The following MGAT4C variants were observed in gnomAD, a reference collection of about 807,000 sequenced individuals.
The protein encoded by MGAT4C is MGAT4 family member C.
Under a neutral mutation model 40.1 loss-of-function variants are expected in MGAT4C, and 19 were observed. The observed-to-expected ratio is 0.47, with a 90% confidence interval of 0.33 to 0.70. MGAT4C has a LOEUF of 0.70. Ranked by LOEUF, MGAT4C falls within the 30% of genes least tolerant of loss-of-function variation. The pLI, the probability that MGAT4C is intolerant of heterozygous loss-of-function variation, is 0.02. For missense variants in MGAT4C, 491 were observed against 563.2 expected (o/e 0.87, Z 1.30); for synonymous variants, 181 against 187.1 (o/e 0.97, Z 0.27).
At chr12:86,666,712 G>C (rs1565913492) in intron 2 of MGAT4C, among the ~76,000 whole-genome samples, 1 of 152,138 alleles carries the variant, frequency 6.6e-6, no homozygotes, top group South Asian at 2.1e-4. Flanking sequence ...TTGAGAAAAA[G>C]ATTTCAAGTT....
intron 2 of MGAT4C, among the ~76,000 whole-genome samples, chr12:86,459,819 C>T (rs1261781465): frequency 6.6e-6 from 1 of 150,948 alleles, no homozygotes; most frequent in African/African-American, 2.4e-5. Flanking sequence ...TCTTCTTGTC[C>T]TCTTTGCTCT....
rs557857367 is a variant in MGAT4C, at chr12:86,689,932, G to T, written c.-229+37277C>A. Among the ~76,000 whole-genome samples the T allele has an allele frequency of 2.0e-5, 3 of 152,272 alleles. No individual in the cohort carries two copies. The East Asian group carries it at 5.8e-4, about 29-fold the overall frequency. On this transcript the variant is annotated intron_variant, in intron 2 of 7. Transcript: ENST00000548651. The stretch of plus-strand genomic sequence containing the variant: ...AGCCCACAACAACCCCTCTCCCCAG[G>T]TGCTCTGTCCCAGGGGGATGGGAGT...
intron 1 of MGAT4C, among the ~76,000 whole-genome samples, chr12:86,127,332 G>C (rs1880448645): frequency 6.6e-6 from 1 of 152,102 alleles, no homozygotes; most frequent in Non-Finnish European, 1.5e-5. Flanking sequence ...TACAATAAAA[G>C]TATGATATAA....
intron 4 of MGAT4C, among the ~76,000 whole-genome samples, chr12:86,296,701 G>A (rs980125836): frequency 3.3e-5 from 5 of 152,204 alleles, no homozygotes; most frequent in Admixed American, 6.5e-5. Flanking sequence ...CTCCGAGTGC[G>A]GGGCCCGCCA....
chr12:86,236,900 A>G (rs1344261782), intron 1 of MGAT4C, among the ~76,000 whole-genome samples: 1 of 151,866 alleles, frequency 6.6e-6, no homozygotes, highest in South Asian at 2.1e-4. Context: ...TTCAAAAAAC[A>G]TTAGCCAAAT....
chr12:86,018,476 G>A (rs927756739), intron 2 of MGAT4C, among the ~76,000 whole-genome samples: 1 of 152,018 alleles, frequency 6.6e-6, no homozygotes, highest in Non-Finnish European at 1.5e-5. Flanking sequence ...TGTCCAATTT[G>A]TTTTTTTACT....
Position 86,049,731 on chromosome 12 carries a change from A to C in MGAT4C, c.-56-8T>G, listed in dbSNP as rs1892721449. The C allele has an allele frequency of 1.0e-6, 1 of 974,430 alleles. No individual in the cohort carries two copies. Among genetic ancestry groups the C allele is most frequent in the African/African-American group, 1.8e-5 (1 of 57,086 alleles). The allele number at this position is 974,430 out of a possible 1,614,324, so 60.4% of individuals were successfully genotyped here. On this transcript the variant is annotated splice_region_variant and splice_polypyrimidine_tract_variant and intron_variant, in intron 1 of 4. Transcript: ENST00000611864. ...ACAGAAACCGTTGATACCCTGGAAA[A>C]AAGAAAGTCTAATATTACTAATACA...
intron 1 of MGAT4C, among the ~76,000 whole-genome samples, chr12:86,733,192 C>T (rs1950937657): frequency 6.6e-6 from 1 of 152,012 alleles, no homozygotes. Flanking sequence ...ATTGTATTTT[C>T]TGCTATCATT....
At chr12:86,238,881 C>A (rs1375755423) in intron 1 of MGAT4C, among the ~76,000 whole-genome samples, 2 of 151,786 alleles carry the variant, frequency 1.3e-5, no homozygotes, top group Admixed American at 1.3e-4. Flanking sequence ...TTCTAGTAGA[C>A]CTCATGGGTT....
In MGAT4C at chr12:86,765,171, A is replaced by G. The variant is rs184477946; in HGVS notation, c.-261-37930T>C. 8.9e-3 allele frequency among the ~76,000 whole-genome samples: 1,359 copies of G among 152,356 alleles called. 12 individuals are homozygous for G. The highest frequency in any genetic ancestry group is 0.016 in the Non-Finnish European group (1,059 of 68,032). ...ATAACCAATACAGAGAAGTGCTTAAAGGAGCTGATGGAGCTGAAAGCCAAG... is the reference window on the plus strand; with the variant it reads ...ATAACCAATACAGAGAAGTGCTTAAGGGAGCTGATGGAGCTGAAAGCCAAG... On this transcript the variant is annotated intron_variant, in intron 1 of 7. Transcript: ENST00000548651.
chr12:86,151,802 T>C (rs1884318613), intron 1 of MGAT4C, among the ~76,000 whole-genome samples: 2 of 152,264 alleles, frequency 1.3e-5, no homozygotes, highest in South Asian at 4.1e-4. Flanking sequence ...TCATGGCTTA[T>C]GCCCTGGTTT....
chr12:86,496,607 G>A (rs1958240971), intron 2 of MGAT4C, among the ~76,000 whole-genome samples: 2 of 151,872 alleles, frequency 1.3e-5, no homozygotes, highest in Admixed American at 1.3e-4. Flanking sequence ...AAAATGTGTT[G>A]TTTTCAAGAA....
chr12:86,364,518 TAGCCAATTA>T (rs1955550736), intron 3 of MGAT4C, among the ~76,000 whole-genome samples: 1 of 152,156 alleles, frequency 6.6e-6, no homozygotes, highest in South Asian at 2.1e-4. Flanking sequence ...TGCATATGGC[TAGCCAATTA>T]TCCCAGCACC....
chr12:86,634,147 A>G (rs1963144574), intron 2 of MGAT4C, among the ~76,000 whole-genome samples: 1 of 152,132 alleles, frequency 6.6e-6, no homozygotes, highest in Non-Finnish European at 1.5e-5. Context: ...TAGAGGACAT[A>G]CAGATTAGTA....
intron 3 of MGAT4C, among the ~76,000 whole-genome samples, chr12:86,400,358 T>C (rs1956334414): frequency 6.6e-6 from 1 of 152,218 alleles, no homozygotes; most frequent in Non-Finnish European, 1.5e-5. Context: ...ATAAAGACTG[T>C]ATTACCCAAC....
chr12:86,337,030 T>C (rs577973935), intron 3 of MGAT4C, among the ~76,000 whole-genome samples: 1 of 152,246 alleles, frequency 6.6e-6, no homozygotes, highest in Admixed American at 6.5e-5. Flanking sequence ...ATTTCATTCA[T>C]AAGGATAGTA....
chr12:86,016,103 C>T (rs185123816), intron 2 of MGAT4C: 1 of 152,224 alleles, frequency 6.6e-6, no homozygotes, highest in Non-Finnish European at 1.5e-5. Context: ...AGTAATTACC[C>T]GTTTTGGTAA....
intron 4 of MGAT4C, among the ~76,000 whole-genome samples, chr12:86,331,177 G>A (rs1181979842): frequency 6.6e-6 from 1 of 152,144 alleles, no homozygotes; most frequent in African/African-American, 2.4e-5. Context: ...CAACTTGAGA[G>A]ATTCAAGTGT....
intron 1 of MGAT4C, among the ~76,000 whole-genome samples, chr12:86,088,040 C>CAACAG (rs57434480): frequency 1.3e-3 from 199 of 151,824 alleles, no homozygotes; most frequent in African/African-American, 4.6e-3. Flanking sequence ...ACACATAGAC[C>CAACAG]AACAGAACAG....
Sources: allele counts gnomAD v4.1 joint callset (sites outside exome capture counted in the v4.1 genomes callset), GRCh38; gene constraint gnomAD v4.1.1; transcripts MANE v1.5; gene names NCBI Gene and HGNC (gene_info 2026-07-23, HGNC 2026-07-21).